The following CNOT10 variants were observed in gnomAD, a reference collection of about 807,000 sequenced individuals.
CNOT10 encodes the protein CCR4-NOT transcription complex, subunit 10.
A neutral mutation model predicts 94.6 loss-of-function variants in CNOT10; 30 were observed. The observed-to-expected ratio is 0.32, with a 90% confidence interval of 0.24 to 0.43. The LOEUF (loss-of-function observed/expected upper bound fraction) is 0.43. CNOT10 is among the 20% of genes least tolerant of loss of function. The probability of loss-of-function intolerance (pLI) is 1.00; values close to 1 mark genes in which losing one functional copy is unlikely to be tolerated. For synonymous variants in CNOT10, 289 were observed against 301.6 expected, an observed-to-expected ratio of 0.96 and a Z score of 0.43; for missense variants, 759 against 877.2, an observed-to-expected ratio of 0.87 and a Z score of 1.70.
In CNOT10 at chr3:32,696,710, C is replaced by G. The variant is rs184840534; in HGVS notation, c.23-7158C>G. 1.9e-3 allele frequency among the ~76,000 whole-genome samples: 281 copies of G among 151,078 alleles called. 1 individual carries two copies. The highest frequency in any genetic ancestry group is 6.6e-3 in the African/African-American group (272 of 41,142). The stretch of plus-strand genomic sequence containing the variant: ...ACTTCCTGGGTTCAAGTGATCCTCC[C>G]TCCTCAGCCTCCCAAGTAGCAGGAC... On this transcript the variant is annotated intron_variant, in intron 1 of 18. Coordinates refer to ENST00000328834, the MANE Select transcript of CNOT10 (RefSeq NM_015442.3).
In CNOT10 at chr3:32,705,006, T is replaced by C; in HGVS notation, c.279+34T>C. The C allele has an allele frequency of 2.2e-6, 3 of 1,367,432 alleles. No individual in the cohort carries two copies. The South Asian group carries it at 4.6e-5, about 21-fold the overall frequency. 84.7% of individuals were successfully genotyped at this position (1,367,432 alleles called of 1,614,324 possible). On this transcript the variant is annotated intron_variant, in intron 3 of 18. Coordinates refer to ENST00000328834, the MANE Select transcript of CNOT10 (RefSeq NM_015442.3). Reference sequence around the variant, plus strand: ...TAAATGAATTTAACTATAAAAAATATTGTTCTGTTCTTTAATTTATGAAAC... The same window carrying C: ...TAAATGAATTTAACTATAAAAAATACTGTTCTGTTCTTTAATTTATGAAAC...
At chr3:32,753,543 G>A (rs1248710472) in intron 13 of CNOT10, 1 of 1,583,382 alleles carries the variant, frequency 6.3e-7, no homozygotes, top group Admixed American at 1.7e-5. Context: ...AAATTAAACT[G>A]AAAAAGCCAG....
At chr3:32,730,786 T>G (rs930417269) in intron 10 of CNOT10, 1 of 152,236 alleles carries the variant, frequency 6.6e-6, no homozygotes, top group Non-Finnish European at 1.5e-5. Flanking sequence ...ACATATTATT[T>G]CAGACTTGGC....
intron 1 of CNOT10, among the ~76,000 whole-genome samples, chr3:32,702,621 AC>A (rs1303072044): frequency 2.0e-5 from 3 of 152,186 alleles, no homozygotes; most frequent in Non-Finnish European, 2.9e-5. Flanking sequence ...TCTGATTGTT[AC>A]TACTTTCCAA....
chr3:32,753,937 A>C (rs983379147), intron 13 of CNOT10: 16 of 885,146 alleles, frequency 1.8e-5, no homozygotes, highest in East Asian at 2.8e-5. Flanking sequence ...CACACACACA[A>C]AATATAAAAA....
chr3:32,695,913 A>C (rs1205314702), intron 1 of CNOT10: 3 of 1,052,904 alleles, frequency 2.8e-6, no homozygotes, highest in Non-Finnish European at 4.1e-6. Flanking sequence ...TTCTGGCAGA[A>C]AACTCGAGAA....
intron 10 of CNOT10, among the ~76,000 whole-genome samples, chr3:32,728,568 G>C (rs1255768680): frequency 6.6e-6 from 1 of 152,002 alleles, no homozygotes; most frequent in Non-Finnish European, 1.5e-5. Flanking sequence ...AGACCAGATA[G>C]AGCCACTGCA....
chr3:32,701,758 C>A (rs1287579150), intron 1 of CNOT10, among the ~76,000 whole-genome samples: 1 of 152,116 alleles, frequency 6.6e-6, no homozygotes, highest in Non-Finnish European at 1.5e-5. Flanking sequence ...AATTAAACCT[C>A]ATTTCTTTAT....
chr3:32,725,412 A>T, intron 8 of CNOT10, 38 bp from the exon 9 acceptor site: 13 of 1,587,200 alleles, frequency 8.2e-6, no homozygotes, highest in Non-Finnish European at 1.1e-5. Context: ...TCAACATTAA[A>T]ATTTTTCTGT....
chr3:32,717,076 T>C, intron 6 of CNOT10, 78 bp from the exon 7 acceptor site: 1 of 759,814 alleles, frequency 1.3e-6, no homozygotes, highest in East Asian at 2.6e-5. Flanking sequence ...GTAAATAGAT[T>C]GGGTTTTCTT....
chr3:32,765,061 C>T (rs753859348), intron 17 of CNOT10: 82 of 1,261,792 alleles, frequency 6.5e-5, no homozygotes, highest in Non-Finnish European at 7.9e-5. Flanking sequence ...CACAGTGGCT[C>T]ATGCCTCCCA....
chr3:32,735,589 C>T lies in CNOT10; in HGVS notation c.1514+613C>T, dbSNP rs186349585. On this transcript the variant is annotated intron_variant, in intron 12 of 18. Transcript: ENST00000328834. ...GGGCGTGGTGGTGGGCACCTATAATCCCCACTACTGGGAAAGCTGAGGCAA... is the reference window on the plus strand; with the variant it reads ...GGGCGTGGTGGTGGGCACCTATAATTCCCACTACTGGGAAAGCTGAGGCAA... 7.9e-5 allele frequency among the ~76,000 whole-genome samples: 12 copies of T among 151,444 alleles called. No homozygotes were observed. In the South Asian group the frequency reaches 2.1e-3, roughly 26 times the overall value.
chr3:32,717,403 A>ATT lies in CNOT10; in HGVS notation c.744+178_744+179dup, dbSNP rs370606070. Among the ~76,000 whole-genome samples, 12 of 146,458 alleles carry ATT rather than the reference A, an allele frequency of 8.2e-5. No individual in the cohort carries two copies. In the East Asian group the frequency reaches 1.2e-3, roughly 15 times the overall value. On this transcript the variant is annotated intron_variant, in intron 7 of 18. Transcript: ENST00000328834. ...GTAATAATACTGTGTCTATAGTTTA[A>ATT]TTTTTTTTTTTTTACTTAAAATTAC...
At chr3:32,710,260 C>G (rs956005498) in intron 4 of CNOT10, among the ~76,000 whole-genome samples, 1 of 147,876 alleles carries the variant, frequency 6.8e-6, no homozygotes, top group Non-Finnish European at 1.5e-5. Context: ...TATTCACATT[C>G]ATTTTTCTTT....
At chr3:32,748,749 T>C (rs887294095) in intron 13 of CNOT10, among the ~76,000 whole-genome samples, 2 of 152,140 alleles carry the variant, frequency 1.3e-5, no homozygotes, top group African/African-American at 4.8e-5. Flanking sequence ...TGACCTCAAG[T>C]GACCTGCCCA....
intron 7 of CNOT10, among the ~76,000 whole-genome samples, chr3:32,718,841 G>A (rs909724765): frequency 1.3e-5 from 2 of 152,148 alleles, no homozygotes; most frequent in South Asian, 2.1e-4. Flanking sequence ...TAGGCCAGGC[G>A]TGATGGCTCA....
chr3:32,703,414 C>T (rs370534972), intron 1 of CNOT10, among the ~76,000 whole-genome samples: 35 of 152,086 alleles, frequency 2.3e-4, no homozygotes, highest in South Asian at 1.2e-3. Flanking sequence ...TTTTTTAATA[C>T]GTACATAACT....
chr3:32,687,000 A>G (rs1462635204), intron 1 of CNOT10, among the ~76,000 whole-genome samples: 2 of 152,182 alleles, frequency 1.3e-5, no homozygotes, highest in Admixed American at 1.3e-4. Flanking sequence ...AGAGCTGTGT[A>G]ATGTGTGTAG....
chr3:32,685,904 C>T (rs1002581932), intron 1 of CNOT10, among the ~76,000 whole-genome samples: 1 of 152,078 alleles, frequency 6.6e-6, no homozygotes, highest in Non-Finnish European at 1.5e-5. Context: ...TTCCTCTGGT[C>T]ATTGACTCCT....
Sources: gnomAD v4.1 joint callset for allele counts (sites outside exome capture counted in the v4.1 genomes callset) on GRCh38, gnomAD v4.1.1 for gene constraint, MANE v1.5 for transcripts, NCBI Gene and HGNC (gene_info 2026-07-23, HGNC 2026-07-21) for gene names.